CHN2: variants seen among roughly 807,000 people sequenced by gnomAD.
CHN2 encodes beta-chimaerin.
In CHN2, 35 loss-of-function variants were observed where a neutral mutation model predicts 56.3. The observed-to-expected ratio is 0.62, with a 90% CI of 0.47 to 0.82. CHN2 has a LOEUF of 0.82. CHN2 is among the 40% of genes least tolerant of loss of function. CHN2 has a pLI of 0.00. For synonymous variants in CHN2, 210 were observed against 212.8 expected, an observed-to-expected ratio of 0.99 and a Z score of 0.12; for missense variants, 491 against 580.5, an observed-to-expected ratio of 0.85 and a Z score of 1.58.
At chr7:29,318,659 AT>A (rs982136052) in intron 1 of CHN2, among the ~76,000 whole-genome samples, 5 of 149,966 alleles carry the variant, frequency 3.3e-5, no homozygotes, top group Admixed American at 6.7e-5. Context: ...CAGTTATTTG[AT>A]TTTTTTTTTA....
intron 2 of CHN2, among the ~76,000 whole-genome samples, chr7:29,161,804 T>C (rs1389915061): frequency 2.0e-5 from 3 of 152,186 alleles, no homozygotes; most frequent in Non-Finnish European, 4.4e-5. Context: ...CTATAGAATA[T>C]ATAAAGAGTT....
At chr7:29,409,403 A>G (rs1802980165) in intron 6 of CHN2, among the ~76,000 whole-genome samples, 2 of 152,232 alleles carry the variant, frequency 1.3e-5, no homozygotes, top group Non-Finnish European at 2.9e-5. Flanking sequence ...TATGAATAAC[A>G]TATTTTTGTG....
At chr7:29,437,537 G>T (rs886541604) in intron 6 of CHN2, among the ~76,000 whole-genome samples, 3 of 85,024 alleles carry the variant, frequency 3.5e-5, no homozygotes, top group Non-Finnish European at 4.6e-5. Context: ...GGCGGAGCTT[G>T]CAGTGAGCCG....
intron 1 of CHN2, among the ~76,000 whole-genome samples, chr7:29,231,165 T>C (rs1221079283): frequency 2.0e-5 from 3 of 152,232 alleles, no homozygotes; most frequent in Non-Finnish European, 4.4e-5. Flanking sequence ...AAAAATATTC[T>C]GTACATCACT....
chr7:29,228,844 C>G (rs1786433974), intron 1 of CHN2, among the ~76,000 whole-genome samples: 1 of 152,192 alleles, frequency 6.6e-6, no homozygotes, highest in Non-Finnish European at 1.5e-5. Context: ...CCCACATGCC[C>G]TGGGGCAGGG....
chr7:29,406,900 C>T (rs1393521910), intron 6 of CHN2, among the ~76,000 whole-genome samples: 1 of 152,176 alleles, frequency 6.6e-6, no homozygotes, highest in Admixed American at 6.5e-5. Flanking sequence ...ACGCCCTCCA[C>T]CTCACTCGGT....
At chr7:29,472,211 C>T (rs1786121578) in intron 6 of CHN2, among the ~76,000 whole-genome samples, 1 of 148,048 alleles carries the variant, frequency 6.8e-6, no homozygotes, top group Non-Finnish European at 1.5e-5. Context: ...GAGTGGACAT[C>T]ACCGCACCTC....
chr7:29,465,730 A>G lies in CHN2; in HGVS notation c.577-14549A>G, dbSNP rs1785501235. Among the ~76,000 whole-genome samples, 2 of 152,230 alleles carry G rather than the reference A, an allele frequency of 1.3e-5. 1 individual carries two copies. Among genetic ancestry groups the G allele is most frequent in the South Asian group, 4.1e-4 (2 of 4,834 alleles). On this transcript the variant is annotated intron_variant, in intron 6 of 12. Coordinates refer to ENST00000222792, the MANE Select transcript of CHN2 (RefSeq NM_004067.4). ...ACACTGCATTTCCAACTCAAATTGC[A>G]CATGGCCAATTACAGTGCCGACTTC...
chr7:29,418,907 G>A (rs970701540), intron 6 of CHN2, among the ~76,000 whole-genome samples: 1 of 152,130 alleles, frequency 6.6e-6, no homozygotes, highest in Non-Finnish European at 1.5e-5. Context: ...GTCTAGCCTC[G>A]TGCTTGGCGA....
intron 1 of CHN2, among the ~76,000 whole-genome samples, chr7:29,276,156 A>T (rs972918070): frequency 2.1e-5 from 2 of 94,468 alleles, no homozygotes; most frequent in Non-Finnish European, 4.4e-5. Context: ...GAGATGGGAG[A>T]GATCAGATGC....
At chr7:29,354,739 T>C in intron 2 of CHN2, 76 bp downstream of exon 2, 1 of 1,332,430 alleles carries the variant, frequency 7.5e-7, no homozygotes, top group South Asian at 1.2e-5. Context: ...GCCAGCGATG[T>C]AGTGCACACA....
At chr7:29,181,893 G>A (rs915792532) in intron 2 of CHN2, among the ~76,000 whole-genome samples, 4 of 152,152 alleles carry the variant, frequency 2.6e-5, no homozygotes, top group African/African-American at 4.8e-5. Flanking sequence ...TTTATTCATG[G>A]TGGAGGGAAT....
Position 29,213,260 on chromosome 7 carries a change from C to A in CHN2, c.49+18270C>A, listed in dbSNP as rs542055465. The A allele has an allele frequency of 5.4e-6, 5 of 924,352 alleles. No homozygotes were observed. In the African/African-American group the frequency reaches 8.0e-5, roughly 15 times the overall value. The allele number at this position is 924,352 out of a possible 1,614,324, so 57.3% of individuals were successfully genotyped here. A position where few individuals can be genotyped will look rare whatever the true frequency, so the allele number is the denominator to read the frequency against. ...TACTCAGTTTCACTCTGGGTAGTGG[C>A]TGAATCCTTCCTCTCCCCTCCTCCC... On this transcript the variant is annotated intron_variant, in intron 1 of 12. Coordinates refer to ENST00000222792, the MANE Select transcript of CHN2 (RefSeq NM_004067.4).
At chr7:29,395,649 T>G (rs1416484521) in intron 4 of CHN2, among the ~76,000 whole-genome samples, 2 of 152,252 alleles carry the variant, frequency 1.3e-5, no homozygotes, top group Non-Finnish European at 1.5e-5. Context: ...CTGGTCTTTG[T>G]GCATGCTTGC....
At chr7:29,312,082 A>G (rs1794642128) in intron 1 of CHN2, among the ~76,000 whole-genome samples, 1 of 152,190 alleles carries the variant, frequency 6.6e-6, no homozygotes, top group African/African-American at 2.4e-5. Flanking sequence ...TTCATTTGTC[A>G]TATCAGAGCT....
intron 6 of CHN2, among the ~76,000 whole-genome samples, chr7:29,461,395 T>G (rs1401039595): frequency 6.6e-6 from 1 of 152,220 alleles, no homozygotes; most frequent in African/African-American, 2.4e-5. Context: ...TGAGATGGAC[T>G]GTATTCTAGG....
At chr7:29,366,648 G>A (rs566237071) in intron 2 of CHN2, among the ~76,000 whole-genome samples, 46 of 152,236 alleles carry the variant, frequency 3.0e-4, no homozygotes, top group African/African-American at 1.1e-3. Flanking sequence ...GAGCTAAAGG[G>A]TTGTGGTGAA....
At chr7:29,403,484 C>T (rs1245519532) in intron 6 of CHN2, among the ~76,000 whole-genome samples, 1 of 152,018 alleles carries the variant, frequency 6.6e-6, no homozygotes, top group Non-Finnish European at 1.5e-5. Context: ...TGATCGTTTC[C>T]AAATGAATCC....
intron 2 of CHN2, among the ~76,000 whole-genome samples, chr7:29,188,569 T>C (rs945417420): frequency 6.6e-6 from 1 of 152,146 alleles, no homozygotes; most frequent in African/African-American, 2.4e-5. Flanking sequence ...TGTTTTGTTA[T>C]TGAACGTATA....
Sources: allele counts gnomAD v4.1 joint callset (sites outside exome capture counted in the v4.1 genomes callset), GRCh38; gene constraint gnomAD v4.1.1; transcripts MANE v1.5; gene names NCBI Gene and HGNC (gene_info 2026-07-23, HGNC 2026-07-21).